The following CNTN5 variants were observed in gnomAD, a reference collection of about 807,000 sequenced individuals.
CNTN5 encodes contactin-5.
A neutral mutation model predicts 129.1 loss-of-function variants in CNTN5; 77 were observed. That is an observed-to-expected ratio of 0.60 (90% confidence interval 0.50 to 0.72). CNTN5 has a LOEUF of 0.72. Among genes scored for constraint, CNTN5 ranks in the 30% least tolerant of loss-of-function variants. The pLI is 0.00. For synonymous variants in CNTN5, 509 were observed against 465.6 expected (o/e 1.09, Z -1.20); for missense variants, 1,478 against 1,328.8 (o/e 1.11, Z -1.75).
chr11:99,432,429 C>A (rs1591046617), intron 2 of CNTN5, among the ~76,000 whole-genome samples: 1 of 125,366 alleles, frequency 8.0e-6, no homozygotes, highest in South Asian at 2.5e-4. Flanking sequence ...CTTTTCTTTT[C>A]CTTTTCTTTC....
intron 9 of CNTN5, among the ~76,000 whole-genome samples, chr11:100,005,653 A>T (rs573073435): frequency 6.6e-6 from 1 of 152,162 alleles, no homozygotes; most frequent in Non-Finnish European, 1.5e-5. Flanking sequence ...TGACAACCCC[A>T]AAAAACTTTC....
At chr11:99,709,339 A>G (rs1233974700) in intron 3 of CNTN5, among the ~76,000 whole-genome samples, 2 of 151,848 alleles carry the variant, frequency 1.3e-5, no homozygotes, top group South Asian at 2.1e-4. Context: ...GAACAATATT[A>G]CTAAAATTAG....
intron 10 of CNTN5, 105 bp downstream of exon 10, chr11:100,061,498 T>C (rs1943481608): frequency 1.3e-6 from 1 of 741,466 alleles, no homozygotes; most frequent in Non-Finnish European, 2.1e-6. Flanking sequence ...AAAAACCAAG[T>C]AATAATTTAT....
At chr11:100,014,062 G>T (rs1263928392) in intron 9 of CNTN5, among the ~76,000 whole-genome samples, 2 of 152,114 alleles carry the variant, frequency 1.3e-5, no homozygotes, top group East Asian at 1.9e-4. Flanking sequence ...GTTTTCATAT[G>T]CAGTTCTTAG....
Position 100,079,023 on chromosome 11 carries a change from G to T in CNTN5, c.1580+4729G>T, listed in dbSNP as rs12276175. Among the ~76,000 whole-genome samples the T allele has an allele frequency of 4.0e-3, 607 of 152,216 alleles. 5 individuals are homozygous for T. The highest frequency in any genetic ancestry group is 0.014 in the African/African-American group (584 of 41,524). On this transcript the variant is annotated intron_variant, in intron 13 of 24. Coordinates refer to ENST00000524871, the MANE Select transcript of CNTN5 (RefSeq NM_014361.4). ...AACCTTCTTCACAAGGAGGCAGGAAGGAGAAGTGCCAAGGAAAGGGGGAAG... is the reference window on the plus strand; with the variant it reads ...AACCTTCTTCACAAGGAGGCAGGAATGAGAAGTGCCAAGGAAAGGGGGAAG...
At chr11:100,277,395 C>A (rs933418920) in intron 18 of CNTN5, among the ~76,000 whole-genome samples, 3 of 152,116 alleles carry the variant, frequency 2.0e-5, no homozygotes, top group Non-Finnish European at 2.9e-5. Context: ...TGAGAAACCT[C>A]CAAACTGTTC....
intron 20 of CNTN5, among the ~76,000 whole-genome samples, chr11:100,306,551 G>A (rs1951354350): frequency 6.6e-6 from 1 of 151,662 alleles, no homozygotes; most frequent in South Asian, 2.1e-4. Context: ...CTACGGAATA[G>A]CAAACGATAT....
intron 1 of CNTN5, among the ~76,000 whole-genome samples, chr11:99,099,448 A>G (rs771141851): frequency 6.6e-6 from 1 of 152,062 alleles, no homozygotes; most frequent in Non-Finnish European, 1.5e-5. Flanking sequence ...ACCGTTATGA[A>G]CAAATTTATA....
intron 4 of CNTN5, 28 bp from the exon 5 acceptor site, chr11:99,844,824 T>C: frequency 6.3e-7 from 1 of 1,583,928 alleles, no homozygotes; most frequent in East Asian, 2.3e-5. Context: ...TTAAGGAAAT[T>C]TAAAATGTGT....
intron 1 of CNTN5, among the ~76,000 whole-genome samples, chr11:99,256,462 G>T (rs939371996): frequency 3.3e-5 from 5 of 151,888 alleles, no homozygotes; most frequent in Non-Finnish European, 5.9e-5. Context: ...TATATGTTTT[G>T]TTTGACCACA....
chr11:100,285,277 C>T (rs1052413102), intron 18 of CNTN5, among the ~76,000 whole-genome samples: 8 of 152,290 alleles, frequency 5.3e-5, no homozygotes, highest in Admixed American at 2.0e-4. Context: ...AAGAACCCTA[C>T]GGTCTCTTGA....
Position 99,574,754 on chromosome 11 carries a change from G to T in CNTN5, c.55+18485G>T, listed in dbSNP as rs148634943. ...TGTTCTTTGCCCACTTTTTGATGGG[G>T]TTGTTTGTTTTTTTTTCCTGTAAAC... On this transcript the variant is annotated intron_variant, in intron 3 of 24. Transcript: ENST00000524871. Among the ~76,000 whole-genome samples the T allele has an allele frequency of 4.4e-3, 663 of 151,952 alleles. 28 individuals carry two copies. The East Asian group carries it at 0.097, about 22-fold the overall frequency.
At chr11:99,793,355 G>A (rs1699908201) in intron 3 of CNTN5, among the ~76,000 whole-genome samples, 3 of 151,994 alleles carry the variant, frequency 2.0e-5, no homozygotes, top group South Asian at 2.1e-4. Flanking sequence ...CACTGTGCCC[G>A]GCTCTATCTT....
At chr11:99,617,266 T>G (rs1950790763) in intron 3 of CNTN5, among the ~76,000 whole-genome samples, 1 of 152,214 alleles carries the variant, frequency 6.6e-6, no homozygotes, top group African/African-American at 2.4e-5. Context: ...TCTGCATTTC[T>G]GAAAAACCAT....
At chr11:99,885,323 C>T (rs1456130012) in intron 6 of CNTN5, among the ~76,000 whole-genome samples, 1 of 151,846 alleles carries the variant, frequency 6.6e-6, no homozygotes, top group African/African-American at 2.4e-5. Context: ...AGAGAGAAAA[C>T]AAAAGCAGTG....
At chr11:99,828,296 A>G (rs1947032059) in intron 4 of CNTN5, among the ~76,000 whole-genome samples, 2 of 152,112 alleles carry the variant, frequency 1.3e-5, no homozygotes, top group African/African-American at 4.8e-5. Flanking sequence ...CCATTTTGTG[A>G]TTCTGTTACA....
intron 1 of CNTN5, among the ~76,000 whole-genome samples, chr11:99,139,935 C>G (rs1859431130): frequency 6.6e-6 from 1 of 152,052 alleles, no homozygotes; most frequent in Admixed American, 6.6e-5. Context: ...CCAAAAACCT[C>G]AGATCGATAT....
intron 3 of CNTN5, among the ~76,000 whole-genome samples, chr11:99,707,235 G>A (rs1404146811): frequency 6.6e-6 from 1 of 151,394 alleles, no homozygotes; most frequent in African/African-American, 2.4e-5. Context: ...AAATGCACTG[G>A]AGAAGATAAA....
At chr11:100,118,166 A>C (rs545726067) in intron 13 of CNTN5, among the ~76,000 whole-genome samples, 5 of 151,860 alleles carry the variant, frequency 3.3e-5, no homozygotes, top group African/African-American at 1.2e-4. Context: ...AATTTGTATC[A>C]CTTTTGAGTA....
Sources: gnomAD v4.1 joint callset for allele counts (sites outside exome capture counted in the v4.1 genomes callset) on GRCh38, gnomAD v4.1.1 for gene constraint, MANE v1.5 for transcripts, NCBI Gene and HGNC (gene_info 2026-07-23, HGNC 2026-07-21) for gene names.